PDE4D: variants seen among roughly 807,000 people sequenced by gnomAD.
The protein encoded by PDE4D is phosphodiesterase 4D, also known as 3',5'-cyclic-AMP phosphodiesterase 4D.
In PDE4D, 24 loss-of-function variants were observed where a neutral mutation model predicts 87.4. The ratio of observed to expected loss-of-function variants is 0.27; its 90% CI spans 0.20 to 0.39. The LOEUF (loss-of-function observed/expected upper bound fraction) is 0.39. PDE4D is among the 10% of genes least tolerant of loss of function. The pLI is 1.00. For synonymous variants in PDE4D, 384 were observed against 383.2 expected, an observed-to-expected ratio of 1.00 and a Z score of -0.02; for missense variants, 714 against 1,041.0, an observed-to-expected ratio of 0.69 and a Z score of 4.32.
chr5:59,412,982 T>G (rs1049823122), intron 1 of PDE4D, among the ~76,000 whole-genome samples: 2 of 145,680 alleles, frequency 1.4e-5, no homozygotes, highest in Admixed American at 6.8e-5. Flanking sequence ...AATTTAAACT[T>G]GTCTATCTTT....
At chr5:60,209,146 A>G (rs999589300) in intron 1 of PDE4D, among the ~76,000 whole-genome samples, 7 of 151,596 alleles carry the variant, frequency 4.6e-5, no homozygotes, top group Non-Finnish European at 8.8e-5. Context: ...AAGCCCTTAG[A>G]AATCCTGCTT....
At chr5:59,960,287 T>A (rs1759321473) in intron 3 of PDE4D, among the ~76,000 whole-genome samples, 2 of 152,314 alleles carry the variant, frequency 1.3e-5, no homozygotes, top group Non-Finnish European at 2.9e-5. Context: ...GAAAACAGTT[T>A]GGAGATTTCC....
At chr5:60,497,636 T>C (rs530049571) in intron 1 of PDE4D, among the ~76,000 whole-genome samples, 1 of 152,204 alleles carries the variant, frequency 6.6e-6, no homozygotes, top group East Asian at 1.9e-4. Context: ...ACCCCTGGCC[T>C]CATGAGACCC....
At chr5:59,541,413 A>T (rs2153684115) in intron 1 of PDE4D, among the ~76,000 whole-genome samples, 1 of 152,380 alleles carries the variant, frequency 6.6e-6, no homozygotes. Context: ...CCAGTCTACA[A>T]ATATACCCAT....
intron 1 of PDE4D, chr5:60,430,687 C>CG (rs1744171816): frequency 4.0e-6 from 1 of 250,664 alleles, no homozygotes; most frequent in African/African-American, 2.4e-5. Context: ...GAGGTCCCTG[C>CG]GGCCTTCCGC....
intron 1 of PDE4D, among the ~76,000 whole-genome samples, chr5:59,240,708 G>A (rs1026552905): frequency 2.0e-5 from 3 of 152,060 alleles, no homozygotes; most frequent in African/African-American, 7.2e-5. Flanking sequence ...AAATTTTGGA[G>A]ACCAGAGACC....
At chr5:60,491,510 T>G (rs146506986), upstream of PDE4D, 12 of 152,330 alleles carry the variant, frequency 7.9e-5, no homozygotes, top group East Asian at 2.1e-3. Context: ...CACTTAAAAT[T>G]AGCATAAACC....
rs146639552 is a variant in PDE4D at position 59,731,595 on chromosome 5, C to T, written c.455+161573G>A. On this transcript the variant is annotated intron_variant, in intron 1 of 14. Transcript: ENST00000340635. ...AAAAAAAGACTTTCTAATGATTTTG[C>T]AATAAAGACTTTTTAGCACACCTGC... is the stretch of plus-strand genomic sequence containing the variant. 4.4e-3 allele frequency among the ~76,000 whole-genome samples: 671 copies of T among 152,092 alleles called. 11 individuals are homozygous for T. Among genetic ancestry groups the T allele is most frequent in the Admixed American group, 0.03 (462 of 15,248 alleles).
At position 60,139,952 on chromosome 5, in the gene PDE4D, A is replaced by C. The variant is rs1780384866; in HGVS notation, c.42+45605T>G. Among the ~76,000 whole-genome samples, 4 of 152,172 alleles carry C rather than the reference A, an allele frequency of 2.6e-5. No individual in the cohort carries two copies. In the South Asian group the frequency reaches 6.2e-4, roughly 24 times the overall value. ...AAGTATCTATTAGTAGTATTTACCA[A>C]CTAATTTTACTGGTATACACTGCCT... On this transcript the variant is annotated intron_variant, in intron 2 of 16. Transcript: ENST00000502484.
At chr5:60,050,984 G>A (rs917267409) in intron 2 of PDE4D, among the ~76,000 whole-genome samples, 2 of 152,156 alleles carry the variant, frequency 1.3e-5, no homozygotes, top group African/African-American at 4.8e-5. Context: ...AACAAGAAGA[G>A]CTAACTATCC....
At chr5:59,882,882 A>G (rs1749651655) in intron 1 of PDE4D, among the ~76,000 whole-genome samples, 1 of 151,794 alleles carries the variant, frequency 6.6e-6, no homozygotes, top group Admixed American at 6.6e-5. Context: ...GGGTCAAGCA[A>G]TTCTCGTGTC....
At chr5:60,283,260 T>C (rs1352687455) in intron 1 of PDE4D, among the ~76,000 whole-genome samples, 1 of 152,216 alleles carries the variant, frequency 6.6e-6, no homozygotes, top group African/African-American at 2.4e-5. Context: ...GCCCATCTTT[T>C]GTCTTATTTT....
intron 3 of PDE4D, among the ~76,000 whole-genome samples, chr5:59,957,286 T>C (rs1165891365): frequency 1.3e-5 from 2 of 152,132 alleles, no homozygotes; most frequent in Non-Finnish European, 2.9e-5. Flanking sequence ...AGTGTTGTCA[T>C]ATGAAGGAGC....
intron 1 of PDE4D, among the ~76,000 whole-genome samples, chr5:59,463,207 G>T (rs1406019825): frequency 6.6e-6 from 1 of 152,144 alleles, no homozygotes; most frequent in Non-Finnish European, 1.5e-5. Flanking sequence ...TTTGGATGGA[G>T]ATGCATTCAT....
At chr5:59,025,242 T>A (rs1011543738) in intron 6 of PDE4D, among the ~76,000 whole-genome samples, 12 of 152,192 alleles carry the variant, frequency 7.9e-5, no homozygotes, top group Non-Finnish European at 1.6e-4. Flanking sequence ...ATTTATTGTC[T>A]TCCTAAATTC....
At chr5:59,188,732 G>A (rs1446136050) in intron 3 of PDE4D, among the ~76,000 whole-genome samples, 1 of 152,144 alleles carries the variant, frequency 6.6e-6, no homozygotes, top group Non-Finnish European at 1.5e-5. Flanking sequence ...AAAAGCTGGA[G>A]TCAAGTTATG....
chr5:58,991,762 G>A, intron 8 of PDE4D, 70 bp downstream of exon 8: 10 of 998,704 alleles, frequency 1.0e-5, no homozygotes, highest in South Asian at 6.2e-5. Flanking sequence ...CCATTTAAAA[G>A]ACTAGAAGTG....
intron 1 of PDE4D, among the ~76,000 whole-genome samples, chr5:60,408,672 G>A (rs1741781967): frequency 6.6e-6 from 1 of 151,836 alleles, no homozygotes; most frequent in South Asian, 2.1e-4. Context: ...ATCAAAAAAA[G>A]TGTGAAAGAA....
rs78076501 is a variant in PDE4D, at chr5:59,125,411, A to C, written c.808+55184T>G. 7.6e-3 allele frequency: 2,520 copies of C among 332,904 alleles called. 69 individuals carry two copies. Among genetic ancestry groups the C allele is most frequent in the African/African-American group, 0.053 (2,392 of 44,932 alleles). 20.6% of individuals were successfully genotyped at this position (332,904 alleles called of 1,614,324 possible). ...CCTCTGTCAATTGACTGCCAACCTTATTTGCTAATTCCCATCCCTCATCGG... is the reference window on the plus strand; with the variant it reads ...CCTCTGTCAATTGACTGCCAACCTTCTTTGCTAATTCCCATCCCTCATCGG... On this transcript the variant is annotated intron_variant, in intron 5 of 14. Coordinates refer to ENST00000340635, the MANE Select transcript of PDE4D (RefSeq NM_001104631.2).
Sources: gnomAD v4.1 joint callset for allele counts (sites outside exome capture counted in the v4.1 genomes callset) on GRCh38, gnomAD v4.1.1 for gene constraint, MANE v1.5 for transcripts, NCBI Gene and HGNC (gene_info 2026-07-23, HGNC 2026-07-21) for gene names.